NEDD9: variants seen among roughly 807,000 people sequenced by gnomAD.
NEDD9 encodes the protein neural precursor cell expressed, developmentally down-regulated 9.
NEDD9 carries 26 observed loss-of-function variants against 76.6 expected under a neutral mutation model. That is an observed-to-expected ratio of 0.34 (90% confidence interval 0.25 to 0.47). The LOEUF (loss-of-function observed/expected upper bound fraction) is 0.47, where lower values mean the gene tolerates loss of function less well. NEDD9 is among the 20% of genes least tolerant of loss of function. The pLI, the probability that NEDD9 is intolerant of heterozygous loss-of-function variation, is 1.00. For synonymous variants in NEDD9, 392 were observed against 414.2 expected (o/e 0.95, Z 0.65); for missense variants, 937 against 1,058.5 (o/e 0.89, Z 1.59).
chr6:11,233,928 C>T (rs1173975744), upstream of NEDD9, among the ~76,000 whole-genome samples: 2 of 151,900 alleles, frequency 1.3e-5, no homozygotes, highest in Admixed American at 6.6e-5. Flanking sequence ...TGATTCCCTT[C>T]GCGTCTAACA....
intron 1 of NEDD9, among the ~76,000 whole-genome samples, chr6:11,369,473 C>G (rs1237088645): frequency 6.6e-6 from 1 of 152,192 alleles, no homozygotes; most frequent in Admixed American, 6.5e-5. Context: ...AACCATTGCT[C>G]CTGTGTACTA....
At chr6:11,216,101 C>A (rs1406764169) in intron 1 of NEDD9, among the ~76,000 whole-genome samples, 1 of 152,200 alleles carries the variant, frequency 6.6e-6, no homozygotes, top group Non-Finnish European at 1.5e-5. Flanking sequence ...ACTCTCAGAG[C>A]CCCACAGTCT....
rs559812875 is a variant in NEDD9 at position 11,200,882 on chromosome 6, T to G, written c.460-7190A>C. On this transcript the variant is annotated intron_variant, in intron 2 of 6. Coordinates refer to ENST00000379446, the MANE Select transcript of NEDD9 (RefSeq NM_006403.4). The stretch of plus-strand genomic sequence containing the variant: ...AGGAGAAAATGTGTTTTTCCAAGTC[T>G]AGGAGATGAAGATATTTATCCAAGA... 105 of 1,605,114 alleles carry G rather than the reference T, an allele frequency of 6.5e-5. 1 individual carries two copies. The South Asian group carries it at 9.5e-4, about 15-fold the overall frequency.
At chr6:11,263,328 A>T (rs1404131592) in intron 3 of NEDD9, among the ~76,000 whole-genome samples, 1 of 152,220 alleles carries the variant, frequency 6.6e-6, no homozygotes, top group East Asian at 1.9e-4. Context: ...AGAAATCCAG[A>T]CAGACTGAAG....
intron 1 of NEDD9, 47 bp downstream of exon 1, chr6:11,232,457 G>T: frequency 6.2e-7 from 1 of 1,611,362 alleles, no homozygotes; most frequent in Non-Finnish European, 8.5e-7. Flanking sequence ...ACACCCGCAG[G>T]CACAGCTTTC....
intron 2 of NEDD9, among the ~76,000 whole-genome samples, chr6:11,308,333 C>G (rs529931195): frequency 2.8e-5 from 4 of 141,070 alleles, no homozygotes; most frequent in African/African-American, 7.7e-5. Context: ...TATGAAGAGA[C>G]ATTTGTCCAA....
At chr6:11,280,999 G>A (rs531442456) in intron 3 of NEDD9, among the ~76,000 whole-genome samples, 63 of 152,316 alleles carry the variant, frequency 4.1e-4, no homozygotes, top group Middle Eastern at 3.4e-3. Flanking sequence ...CAGATTCTAC[G>A]ACATGCATAA....
chr6:11,291,724 TGTAACG>T (rs1303103755), intron 3 of NEDD9, among the ~76,000 whole-genome samples: 1 of 152,174 alleles, frequency 6.6e-6, no homozygotes, highest in East Asian at 1.9e-4. Context: ...ATAGTTTCAG[TGTAACG>T]GTGCCTCTGT....
At chr6:11,266,507 A>G (rs1025519491) in intron 3 of NEDD9, among the ~76,000 whole-genome samples, 1 of 152,154 alleles carries the variant, frequency 6.6e-6, no homozygotes, top group African/African-American at 2.4e-5. Context: ...ATTCCCTTAC[A>G]AGAGTGAGCC....
At chr6:11,223,681 C>A (rs188028927) in intron 1 of NEDD9, among the ~76,000 whole-genome samples, 62 of 152,302 alleles carry the variant, frequency 4.1e-4, no homozygotes, top group Non-Finnish European at 6.9e-4. Context: ...GAGGCGAGAG[C>A]GCCCATGCCA....
intron 3 of NEDD9, chr6:11,305,380 C>A (rs1761154894): frequency 3.5e-6 from 1 of 285,006 alleles, no homozygotes; most frequent in East Asian, 9.2e-5. Flanking sequence ...AAATTCAGAT[C>A]TTTGTGACCC....
chr6:11,366,315 A>G (rs9380255), intron 1 of NEDD9, among the ~76,000 whole-genome samples: 106 of 36,588 alleles, frequency 2.9e-3, no homozygotes, highest in Non-Finnish European at 4.3e-3. Context: ...AAGAAAGAGA[A>G]AGAAAGAAAG....
chr6:11,275,421 A>T (rs1057191670), intron 3 of NEDD9, among the ~76,000 whole-genome samples: 1 of 152,338 alleles, frequency 6.6e-6, no homozygotes, highest in African/African-American at 2.4e-5. Context: ...CCCTAAAAAA[A>T]TGATATATGT....
chr6:11,190,687 G>C lies in NEDD9; in HGVS notation c.1182C>G (p.Ala394=). The part of the protein sequence containing the change: ...STSSKESSLS[A]SPAQDKRLFL... ...AGAGCCTTTTGTCCTGAGCTGGGGA[G>C]GCTGACAGTGAGGACTCCTTGGAGG... Residue 394 remains alanine (A), a synonymous_variant, in exon 5 of 7, where the codon GCC becomes GCG. Coordinates refer to ENST00000379446, the MANE Select transcript of NEDD9 (RefSeq NM_006403.4). This position sits in a 1 kb window ranked among gnomAD's most constrained non-coding sequence, Gnocchi z 5.8. The C allele has an allele frequency of 6.2e-7, 1 of 1,614,192 alleles. No homozygotes were observed. Among genetic ancestry groups the C allele is most frequent in the Non-Finnish European group, 8.5e-7 (1 of 1,180,042 alleles).
chr6:11,203,814 C>T (rs1270560799), intron 2 of NEDD9, among the ~76,000 whole-genome samples: 3 of 152,086 alleles, frequency 2.0e-5, no homozygotes, highest in African/African-American at 7.2e-5. Flanking sequence ...TCCTTGTGTC[C>T]CTGCCTGCTC....
In NEDD9 at chr6:11,315,804, T is replaced by C. The variant is rs146041310; in HGVS notation, c.-152-9649A>G. 8.5e-5 allele frequency among the ~76,000 whole-genome samples: 13 copies of C among 152,346 alleles called. 1 individual carries two copies. In the East Asian group the frequency reaches 2.5e-3, roughly 29 times the overall value. On this transcript the variant is annotated intron_variant, in intron 2 of 3. Coordinates refer to the NEDD9 transcript ENST00000397378. ...TGAAAAGAGCTATTAGTTCATCTGT[T>C]AGGGCATCCAAATATGCACCCAGAA... is the stretch of plus-strand genomic sequence containing the variant.
intron 1 of NEDD9, among the ~76,000 whole-genome samples, chr6:11,353,738 C>A (rs775784243): frequency 2.2e-4 from 33 of 152,118 alleles, no homozygotes; most frequent in Non-Finnish European, 2.2e-4. Context: ...ACGTGGAAAA[C>A]CTGGTGACTC....
chr6:11,271,609 TAA>T (rs538122737), intron 3 of NEDD9: 3 of 152,382 alleles, frequency 2.0e-5, no homozygotes, highest in African/African-American at 7.2e-5. Context: ...GAAATCAAGA[TAA>T]AGTCTTGGGC....
At chr6:11,306,090 ACT>A (rs1761178196) in exon 3 of NEDD9, 2 of 1,482,404 alleles carry the variant, frequency 1.3e-6, no homozygotes, top group Non-Finnish European at 1.9e-6. Context: ...CGTTTTCATA[ACT>A]CTACTTGAAG....
Sources: allele counts gnomAD v4.1 joint callset (sites outside exome capture counted in the v4.1 genomes callset), GRCh38; gene constraint gnomAD v4.1.1; non-coding constraint Gnocchi (gnomAD v3.1); transcripts MANE v1.5; gene names NCBI Gene and HGNC (gene_info 2026-07-23, HGNC 2026-07-21).